Variants in BICC1 observed in about 807,000 individuals in gnomAD.
BICC1 encodes the protein protein bicaudal C homolog 1.
In BICC1, 43 loss-of-function variants were observed where a neutral mutation model predicts 111.0. The observed-to-expected ratio is 0.39, with a 90% confidence interval of 0.30 to 0.50. The LOEUF (loss-of-function observed/expected upper bound fraction) is 0.50, where lower values mean the gene tolerates loss of function less well. BICC1 is among the 20% of genes least tolerant of loss of function. The pLI, the probability that BICC1 is intolerant of heterozygous loss-of-function variation, is 0.88. For missense variants in BICC1, 1,091 were observed against 1,203.2 expected (o/e 0.91, Z 1.38); for synonymous variants, 467 against 434.4 (o/e 1.07, Z -0.93).
chr10:58,792,489 G>C (rs1221905822), intron 8 of BICC1, among the ~76,000 whole-genome samples: 1 of 152,154 alleles, frequency 6.6e-6, no homozygotes, highest in Non-Finnish European at 1.5e-5. Flanking sequence ...AGCAAGGGAA[G>C]CTTCATCTGT....
chr10:58,741,529 G>A (rs1022932701), intron 3 of BICC1, among the ~76,000 whole-genome samples: 11 of 152,006 alleles, frequency 7.2e-5, no homozygotes, highest in East Asian at 1.9e-4. Flanking sequence ...TATGTTTGGC[G>A]AATTCCCAAG....
At chr10:58,698,661 A>C (rs1239490785) in intron 2 of BICC1, among the ~76,000 whole-genome samples, 2 of 152,142 alleles carry the variant, frequency 1.3e-5, no homozygotes, top group African/African-American at 4.8e-5. Context: ...TTGTATCCCT[A>C]GTATCTAGGA....
intron 2 of BICC1, among the ~76,000 whole-genome samples, chr10:58,683,881 G>A (rs1032465063): frequency 6.6e-6 from 1 of 152,154 alleles, no homozygotes; most frequent in African/African-American, 2.4e-5. Flanking sequence ...TCTCCTGCCT[G>A]ATTGCCCTGG....
Position 58,822,389 on chromosome 10 carries a change from C to A in BICC1, c.2794+1921C>A, listed in dbSNP as rs936680031. 1.1e-3 allele frequency among the ~76,000 whole-genome samples: 172 copies of A among 152,232 alleles called. 3 individuals are homozygous for A. The highest frequency in any genetic ancestry group is 3.9e-3 in the African/African-American group (164 of 41,536). On this transcript the variant is annotated intron_variant, in intron 20 of 20. Transcript: ENST00000373886. ...TGTAGATAGATCATCAATACCTTTC[C>A]TCTGGAATATATCAGTATCTTTTGG...
chr10:58,776,975 C>T (rs1842764932), intron 3 of BICC1, among the ~76,000 whole-genome samples: 2 of 152,064 alleles, frequency 1.3e-5, no homozygotes, highest in South Asian at 4.1e-4. Flanking sequence ...CCCTGCCCTC[C>T]TCCTATCTGA....
chr10:58,819,094 A>G (rs1844180618), intron 19 of BICC1, among the ~76,000 whole-genome samples: 1 of 152,174 alleles, frequency 6.6e-6, no homozygotes, highest in Non-Finnish European at 1.5e-5. Context: ...GTAAAGTTTT[A>G]TTGGAACACA....
At chr10:58,775,663 A>G (rs1842731584) in intron 3 of BICC1, among the ~76,000 whole-genome samples, 1 of 152,204 alleles carries the variant, frequency 6.6e-6, no homozygotes, top group African/African-American at 2.4e-5. Flanking sequence ...AGTTGGGGTG[A>G]GGAATAATGC....
intron 1 of BICC1, among the ~76,000 whole-genome samples, chr10:58,613,506 A>G (rs1413014257): frequency 1.3e-5 from 2 of 152,176 alleles, no homozygotes; most frequent in South Asian, 2.1e-4. Flanking sequence ...TTGCCCTCCA[A>G]ATATAATGAA....
intron 2 of BICC1, among the ~76,000 whole-genome samples, chr10:58,668,180 G>A (rs1382359537): frequency 1.3e-5 from 2 of 152,048 alleles, no homozygotes; most frequent in African/African-American, 4.8e-5. Context: ...AGGAAAGGAA[G>A]TTTTACGTCA....
chr10:58,738,308 G>A (rs1841541224), intron 3 of BICC1, among the ~76,000 whole-genome samples: 3 of 149,470 alleles, frequency 2.0e-5, no homozygotes, highest in Non-Finnish European at 4.4e-5. Flanking sequence ...TCTCCATAAG[G>A]CTAGCCAGTT....
intron 3 of BICC1, chr10:58,715,889 A>T (rs982286864): frequency 8.9e-6 from 11 of 1,233,174 alleles, no homozygotes; most frequent in African/African-American, 1.5e-5. Flanking sequence ...TCAAGCTCTG[A>T]TTCTTCCAGC....
intron 3 of BICC1, among the ~76,000 whole-genome samples, chr10:58,764,483 T>C (rs1158860976): frequency 6.6e-6 from 1 of 152,102 alleles, no homozygotes; most frequent in East Asian, 1.9e-4. Flanking sequence ...AATAAATGTG[T>C]AAGGCAGTAA....
At chr10:58,527,546 A>G (rs1276731817) in intron 1 of BICC1, among the ~76,000 whole-genome samples, 1 of 152,034 alleles carries the variant, frequency 6.6e-6, no homozygotes, top group Non-Finnish European at 1.5e-5. Context: ...TAGGCTTTTT[A>G]TGGTTTTAGG....
chr10:58,792,854 C>A (rs142287331), intron 8 of BICC1, among the ~76,000 whole-genome samples: 351 of 152,208 alleles, frequency 2.3e-3, no homozygotes, highest in African/African-American at 8.1e-3. Flanking sequence ...CCTTCCCTCC[C>A]CCTCCCCTGG....
intron 3 of BICC1, among the ~76,000 whole-genome samples, chr10:58,702,374 T>C (rs1011267307): frequency 5.3e-5 from 8 of 152,352 alleles, no homozygotes; most frequent in East Asian, 1.9e-4. Flanking sequence ...ATGAAAGATA[T>C]AGCAACCTGT....
chr10:58,752,462 A>G (rs1443204942), intron 3 of BICC1, among the ~76,000 whole-genome samples: 2 of 152,322 alleles, frequency 1.3e-5, no homozygotes, highest in East Asian at 1.9e-4. Context: ...TCGGAATGCC[A>G]TCAGAACCTG....
chr10:58,807,292 G>A (rs1233550149), intron 17 of BICC1, 134 bp downstream of exon 17: 3 of 758,452 alleles, frequency 4.0e-6, no homozygotes, highest in African/African-American at 3.5e-5. Context: ...TTCTATTCTT[G>A]TAAACACACT....
intron 17 of BICC1, among the ~76,000 whole-genome samples, chr10:58,809,407 T>A (rs924674076): frequency 1.3e-5 from 2 of 152,078 alleles, no homozygotes; most frequent in Non-Finnish European, 2.9e-5. Flanking sequence ...GACTGGCTAG[T>A]CTTTGTATTT....
intron 3 of BICC1, among the ~76,000 whole-genome samples, chr10:58,708,559 G>A (rs1405238791): frequency 6.6e-6 from 1 of 152,098 alleles, no homozygotes; most frequent in East Asian, 1.9e-4. Flanking sequence ...AGTGCACAGG[G>A]TTTTATAGAC....
Sources: gnomAD v4.1 joint callset for allele counts (sites outside exome capture counted in the v4.1 genomes callset) on GRCh38, gnomAD v4.1.1 for gene constraint, MANE v1.5 for transcripts, NCBI Gene and HGNC (gene_info 2026-07-23, HGNC 2026-07-21) for gene names.